Variants in TNFRSF14 observed in about 807,000 individuals in gnomAD.
TNFRSF14 encodes tumor necrosis factor receptor superfamily member 14.
In TNFRSF14, 18 loss-of-function variants were observed where a neutral mutation model predicts 34.1. The observed-to-expected ratio is 0.53, with a 90% confidence interval of 0.36 to 0.78. The LOEUF (loss-of-function observed/expected upper bound fraction) is 0.78, where lower values mean the gene tolerates loss of function less well. Ranked by LOEUF, TNFRSF14 falls within the 30% of genes least tolerant of loss-of-function variation. The probability of loss-of-function intolerance (pLI) is 0.00; values close to 1 mark genes in which losing one functional copy is unlikely to be tolerated. For missense variants in TNFRSF14, 352 were observed against 379.5 expected (o/e 0.93, Z 0.60); for synonymous variants, 157 against 153.2 (o/e 1.02, Z -0.18).
rs1208416635 is a variant in TNFRSF14 at position 2,559,508 on chromosome 1, C to T, written c.305-315C>T. 2.0e-6 allele frequency: 3 copies of T among 1,480,492 alleles called. No individual in the cohort carries two copies. The African/African-American group carries it at 4.2e-5, about 20-fold the overall frequency. The allele number at this position is 1,480,492 out of a possible 1,614,324, so 91.7% of individuals were successfully genotyped here. A position where few individuals can be genotyped will look rare whatever the true frequency, so the allele number is the denominator to read the frequency against. On this transcript the variant is annotated intron_variant, in intron 3 of 7. Coordinates refer to ENST00000355716, the MANE Select transcript of TNFRSF14 (RefSeq NM_003820.4). ...GTGGGGCGAGGACCTGCCTGCGGGA[C>T]CCTGCCCTGGAACTGACAGTGCAAG... is the stretch of plus-strand genomic sequence containing the variant.
chr1:2,557,891 C>A lies in TNFRSF14; in HGVS notation c.178+57C>A. 5 of 1,391,774 alleles carry A rather than the reference C, an allele frequency of 3.6e-6. No homozygotes were observed. The South Asian group carries it at 6.6e-5, about 18-fold the overall frequency. 86.2% of individuals were successfully genotyped at this position (1,391,774 alleles called of 1,614,324 possible). ...TGGGCCGAGGGCAGACACTCTTGCC[C>A]CCTTCTGCCCCAGACACCCCTGTGT... On this transcript the variant is annotated intron_variant, in intron 2 of 7. Transcript: ENST00000355716.
chr1:2,556,988 C>G (rs917886699), intron 1 of TNFRSF14: 2 of 461,018 alleles, frequency 4.3e-6, no homozygotes, highest in African/African-American at 3.9e-5. Context: ...ACTCCGTCCA[C>G]GGGCAGCTGG....
chr1:2,556,750 C>T lies in TNFRSF14; in HGVS notation c.69+17C>T, dbSNP rs1644221341. 3 of 1,578,894 alleles carry T rather than the reference C, an allele frequency of 1.9e-6. No homozygotes were observed. In the East Asian group the frequency reaches 6.7e-5, roughly 35 times the overall value. ...TTGAGGCTGGTGAGCCCCCGAGCCTCCTCTCCGTCTGCTCGCAGATCCCAG... is the reference window on the plus strand; with the variant it reads ...TTGAGGCTGGTGAGCCCCCGAGCCTTCTCTCCGTCTGCTCGCAGATCCCAG... On this transcript the variant is annotated intron_variant, in intron 1 of 7. Transcript: ENST00000355716.
At position 2,561,981 on chromosome 1, in the gene TNFRSF14, GC is replaced by G; in HGVS notation, c.694+169del. 2.6e-6 allele frequency: 2 copies of G among 774,326 alleles called. No individual in the cohort carries two copies. The highest frequency in any genetic ancestry group is 4.2e-6 in the Non-Finnish European group (2 of 481,360). 48.0% of individuals were successfully genotyped at this position (774,326 alleles called of 1,614,324 possible). ...AGGTGGGCTTTCTGCTGTGGCCAGA[GC>G]CCAGGTGTCAGCTGGCCTCCCTGGG... On this transcript the variant is annotated intron_variant, in intron 6 of 7. Coordinates refer to ENST00000355716, the MANE Select transcript of TNFRSF14 (RefSeq NM_003820.4). This position sits in a 1 kb window ranked among gnomAD's most constrained non-coding sequence, Gnocchi z 6.0.
chr1:2,559,378 G>A, intron 3 of TNFRSF14: 1 of 1,377,284 alleles, frequency 7.3e-7, no homozygotes, highest in Non-Finnish European at 9.6e-7. Flanking sequence ...ACCTCCACCA[G>A]TACCTGAAGA....
intron 1 of TNFRSF14, chr1:2,557,142 G>A: frequency 4.4e-6 from 1 of 229,218 alleles, no homozygotes; most frequent in Non-Finnish European, 8.6e-6. Context: ...GCAGCAGGGG[G>A]CTGGACCCAG....
At chr1:2,560,434 G>T in intron 4 of TNFRSF14, 190 bp from the exon 5 acceptor site, 1 of 580,530 alleles carries the variant, frequency 1.7e-6, no homozygotes, top group Admixed American at 3.1e-5. Context: ...ACTCAAGGCC[G>T]GGACAGCCAG....
upstream of TNFRSF14, chr1:2,554,671 G>A (rs3762440): frequency 0.011 from 1,655 of 152,418 alleles, 93 homozygotes; most frequent in East Asian, 0.18. The surrounding 1 kb of genome is among the most constrained non-coding windows in gnomAD (Gnocchi z 4.2). Flanking sequence ...AGCTGAAGTC[G>A]GGGTAGGAGG....
At position 2,557,774 on chromosome 1, in the gene TNFRSF14, C is replaced by T. The variant is rs1184525813; in HGVS notation, c.118C>T (p.Pro40Ser). ...LGAPCYAPAL[P>S]SCKEDEYPVG... Reference sequence around the variant, plus strand: ...AGCCCCCTGCTACGCCCCAGCTCTGCCGTCCTGCAAGGAGGACGAGTACCC... The same window carrying T: ...AGCCCCCTGCTACGCCCCAGCTCTGTCGTCCTGCAAGGAGGACGAGTACCC... Residue 40 changes from proline to serine, a missense_variant, in exon 2 of 8, where the codon CCG becomes TCG. Physicochemically the swap from Pro to Ser is moderately conservative, Grantham distance 74. Coordinates refer to ENST00000355716, the MANE Select transcript of TNFRSF14 (RefSeq NM_003820.4). The T allele has an allele frequency of 6.2e-7, 1 of 1,611,784 alleles. No homozygotes were observed. The highest frequency in any genetic ancestry group is 2.2e-5 in the East Asian group (1 of 44,808).
In TNFRSF14 at chr1:2,559,907, A is replaced by G. The variant is rs1447114415; in HGVS notation, c.389A>G (p.Gln130Arg). 2 of 1,603,648 alleles carry G rather than the reference A, an allele frequency of 1.2e-6. No individual in the cohort carries two copies. Among genetic ancestry groups the G allele is most frequent in the Non-Finnish European group, 1.7e-6 (2 of 1,175,650 alleles). Residue 130 changes from glutamine to arginine, a missense_variant, in exon 4 of 8, where the codon CAG (glutamine) becomes CGG (arginine). Gln to Arg is a conservative substitution (Grantham distance 43). Transcript: ENST00000355716. ...AGCCCAGGCCACTTCTGCATCGTCC[A>G]GGACGGGGACCACTGCGCCGCGTGC... Reference protein sequence around the residue: ...GCSPGHFCIVQDGDHCAACRA... With the variant: ...GCSPGHFCIVRDGDHCAACRA...
At chr1:2,556,827 C>A in intron 1 of TNFRSF14, 94 bp downstream of exon 1, 1 of 1,319,796 alleles carries the variant, frequency 7.6e-7, no homozygotes, top group Non-Finnish European at 1.0e-6. Context: ...CTGTCCTGGC[C>A]GTTGCTGGCT....
intron 4 of TNFRSF14, 51 bp from the exon 5 acceptor site, chr1:2,560,573 C>T (rs1382966861): frequency 4.8e-6 from 7 of 1,449,564 alleles, no homozygotes; most frequent in South Asian, 1.2e-5. Flanking sequence ...GCCGCCAGCC[C>T]CCTCCTGGCC....
chr1:2,561,828 C>G lies in TNFRSF14; in HGVS notation c.694+13C>G, dbSNP rs369003018. The G allele has an allele frequency of 6.2e-7, 1 of 1,611,322 alleles. No individual in the cohort carries two copies. On this transcript the variant is annotated intron_variant, in intron 6 of 7. Transcript: ENST00000355716. This position sits in a 1 kb window ranked among gnomAD's most constrained non-coding sequence, Gnocchi z 6.0. ...AGAAAGCCAAGGGGTGAGCACACGGCGGCCCCATCAGGGCTCATGTCCCCA... is the reference window on the plus strand; with the variant it reads ...AGAAAGCCAAGGGGTGAGCACACGGGGGCCCCATCAGGGCTCATGTCCCCA...
In TNFRSF14 at chr1:2,556,688, G is replaced by A. The variant is rs540845169; in HGVS notation, c.24G>A (p.Gly8=). The A allele has an allele frequency of 3.2e-5, 52 of 1,609,186 alleles. No homozygotes were observed. The South Asian group carries it at 4.4e-4, about 14-fold the overall frequency. The change falls in exon 1 of 8, where the codon GGG becomes GGA. Residue 8 remains glycine, a synonymous_variant. Coordinates refer to ENST00000355716, the MANE Select transcript of TNFRSF14 (RefSeq NM_003820.4). ...GCATGGAGCCTCCTGGAGACTGGGG[G>A]CCTCCTCCCTGGAGATCCACCCCCA... is the stretch of plus-strand genomic sequence containing the variant. MEPPGDW[G]PPPWRSTPKT...
rs762418006 is a variant in TNFRSF14, at chr1:2,562,905, C to T, written c.726+9C>T. On this transcript the variant is annotated intron_variant, in intron 7 of 7. Transcript: ENST00000355716. ...TGATCGTCTCCGTCCAGGTATTGATCCTCCTCCCCCTCTCCCTCCCCCCTC... is the reference window on the plus strand; with the variant it reads ...TGATCGTCTCCGTCCAGGTATTGATTCTCCTCCCCCTCTCCCTCCCCCCTC... 23 of 1,612,770 alleles carry T rather than the reference C, an allele frequency of 1.4e-5. No individual in the cohort carries two copies. The highest frequency in any genetic ancestry group is 1.8e-5 in the Non-Finnish European group (21 of 1,179,140).
rs1352440849 is a variant in TNFRSF14, at chr1:2,557,922, G to GC, written c.178+93dup. ...TGCCCCAGACACCCCTGTGTTCTCT[G>GC]CCCCCACAGCCATGGGTGTGATGAA... On this transcript the variant is annotated intron_variant, in intron 2 of 7. Coordinates refer to ENST00000355716, the MANE Select transcript of TNFRSF14 (RefSeq NM_003820.4). The GC allele has an allele frequency of 2.4e-5, 27 of 1,105,156 alleles. No individual in the cohort carries two copies. In the South Asian group the frequency reaches 2.6e-4, roughly 11 times the overall value. 68.5% of individuals were successfully genotyped at this position (1,105,156 alleles called of 1,614,324 possible).
chr1:2,558,609 G>A, intron 3 of TNFRSF14, 141 bp downstream of exon 3: 2 of 1,477,832 alleles, frequency 1.4e-6, no homozygotes, highest in Non-Finnish European at 9.1e-7. Context: ...CTCCATGGAT[G>A]CACCCTGCAG....
In TNFRSF14 at chr1:2,557,729, C is replaced by G; in HGVS notation, c.73C>G (p.Leu25Val). 1 of 1,606,002 alleles carries G rather than the reference C, an allele frequency of 6.2e-7. No individual in the cohort carries two copies. The highest frequency in any genetic ancestry group is 8.5e-7 in the Non-Finnish European group (1 of 1,175,976). Residue 25 changes from leucine to valine, a missense_variant, in exon 2 of 8, where the codon CTG (leucine) becomes GTG (valine). Physicochemically the swap from Leu to Val is conservative, Grantham distance 32. Transcript: ENST00000355716. ...ATGCCTGTCCTGACCCCCTTAGGTG[C>G]TGTATCTCACCTTCCTGGGAGCCCC... ...TPKTDVLRLV[L>V]YLTFLGAPCY...
intron 4 of TNFRSF14, 57 bp downstream of exon 4, chr1:2,560,035 C>T (rs985473030): frequency 1.6e-5 from 24 of 1,466,324 alleles, no homozygotes; most frequent in Non-Finnish European, 1.9e-5. Flanking sequence ...CAGTGCCCCG[C>T]TGTCTGGAGC....
Sources: allele counts gnomAD v4.1 joint callset, GRCh38; gene constraint gnomAD v4.1.1; non-coding constraint Gnocchi (gnomAD v3.1); transcripts MANE v1.5; gene names NCBI Gene and HGNC (gene_info 2026-07-23, HGNC 2026-07-21).